ITFG1: variants seen among roughly 807,000 people sequenced by gnomAD.
ITFG1 encodes the protein integrin alpha FG-GAP repeat containing 1.
ITFG1 carries 34 observed loss-of-function variants against 81.8 expected under a neutral mutation model. That is an observed-to-expected ratio of 0.42 (90% CI 0.32 to 0.55). ITFG1 has a LOEUF of 0.55. ITFG1 is among the 20% of genes least tolerant of loss of function. The probability of loss-of-function intolerance (pLI) is 0.17; values close to 1 mark genes in which losing one functional copy is unlikely to be tolerated. For missense variants in ITFG1, 672 were observed against 755.4 expected (o/e 0.89, Z 1.29); for synonymous variants, 285 against 270.6 (o/e 1.05, Z -0.52).
chr16:47,407,446 G>T (rs940541310), intron 6 of ITFG1, among the ~76,000 whole-genome samples: 47 of 152,080 alleles, frequency 3.1e-4, no homozygotes, highest in African/African-American at 1.0e-3. Context: ...CTGCCTCCTG[G>T]GTTCAAGTGA....
chr16:47,309,677 A>G (rs1402816644), intron 10 of ITFG1, among the ~76,000 whole-genome samples: 4 of 152,222 alleles, frequency 2.6e-5, no homozygotes, highest in African/African-American at 9.6e-5. Flanking sequence ...AACTGCTTTT[A>G]TAATGGTATT....
chr16:47,323,772 C>A (rs1487072806), intron 8 of ITFG1, among the ~76,000 whole-genome samples: 1 of 152,022 alleles, frequency 6.6e-6, no homozygotes, highest in African/African-American at 2.4e-5. Flanking sequence ...GAGATTGGGT[C>A]TCAGTATACC....
chr16:47,290,910 T>G (rs543291401), intron 10 of ITFG1, among the ~76,000 whole-genome samples: 2 of 152,238 alleles, frequency 1.3e-5, no homozygotes, highest in Non-Finnish European at 2.9e-5. Context: ...TTTATTAATG[T>G]GGTTTCACAG....
intron 14 of ITFG1, among the ~76,000 whole-genome samples, chr16:47,189,937 C>T (rs1462562997): frequency 6.6e-6 from 1 of 152,102 alleles, no homozygotes; most frequent in Non-Finnish European, 1.5e-5. Context: ...GGTGTTATTG[C>T]TTGTGGAGTT....
intron 13 of ITFG1, among the ~76,000 whole-genome samples, chr16:47,232,881 T>G (rs776879626): frequency 2.6e-4 from 39 of 152,104 alleles, no homozygotes; most frequent in South Asian, 1.9e-3. Context: ...GCTCAAGAGA[T>G]CCTCCTGCCT....
chr16:47,306,260 A>C (rs1296926067), intron 10 of ITFG1, among the ~76,000 whole-genome samples: 1 of 152,194 alleles, frequency 6.6e-6, no homozygotes, highest in Non-Finnish European at 1.5e-5. Flanking sequence ...TTTAAATAAC[A>C]TAATTAACTG....
At chr16:47,423,255 T>TG (rs1968974689) in intron 6 of ITFG1, among the ~76,000 whole-genome samples, 1 of 150,832 alleles carries the variant, frequency 6.6e-6, no homozygotes, top group East Asian at 1.9e-4. Context: ...TCCCTGATTT[T>TG]TTTTTTTTTT....
At chr16:47,311,457 A>C in intron 9 of ITFG1, 45 bp from the exon 10 acceptor site, 1 of 1,430,796 alleles carries the variant, frequency 7.0e-7, no homozygotes, top group Non-Finnish European at 9.4e-7. Flanking sequence ...TTATTTTATA[A>C]AAAAATTTAT....
rs888855622 is a variant in ITFG1 at position 47,361,352 on chromosome 16, C to A, written c.802+4436G>T. On this transcript the variant is annotated intron_variant, in intron 8 of 17. Coordinates refer to ENST00000320640, the MANE Select transcript of ITFG1 (RefSeq NM_030790.5). The stretch of plus-strand genomic sequence containing the variant: ...TAGCTTTTATTGATTTCCACTACAC[C>A]TAGTATTACATACAAAATTGATACC... Among the ~76,000 whole-genome samples, 4 of 152,146 alleles carry A rather than the reference C, an allele frequency of 2.6e-5. No homozygotes were observed. In the East Asian group the frequency reaches 7.7e-4, roughly 29 times the overall value.
At chr16:47,299,112 G>A (rs1013192516) in intron 10 of ITFG1, among the ~76,000 whole-genome samples, 2 of 152,286 alleles carry the variant, frequency 1.3e-5, no homozygotes, top group East Asian at 3.9e-4. Context: ...GGCTTTGACA[G>A]GCAGGAATGA....
At chr16:47,388,974 T>C (rs754521274) in intron 6 of ITFG1, among the ~76,000 whole-genome samples, 2 of 152,266 alleles carry the variant, frequency 1.3e-5, no homozygotes, top group East Asian at 1.9e-4. Context: ...ATAAGGAATG[T>C]TGTAATGCTG....
At chr16:47,293,145 A>T (rs1448012842) in intron 10 of ITFG1, among the ~76,000 whole-genome samples, 2 of 147,892 alleles carry the variant, frequency 1.4e-5, no homozygotes, top group Non-Finnish European at 3.0e-5. Flanking sequence ...AATATATATC[A>T]TATACAAGCA....
chr16:47,402,929 T>C (rs907408196), intron 6 of ITFG1, among the ~76,000 whole-genome samples: 1 of 152,066 alleles, frequency 6.6e-6, no homozygotes, highest in Non-Finnish European at 1.5e-5. Context: ...CCACAGAAAT[T>C]CCAGTGTTAT....
At chr16:47,198,905 T>C (rs1965389535) in intron 14 of ITFG1, among the ~76,000 whole-genome samples, 1 of 152,252 alleles carries the variant, frequency 6.6e-6, no homozygotes, top group East Asian at 1.9e-4. Context: ...ACTAAAAAAA[T>C]TAAAAGTTAA....
At chr16:47,425,925 T>C (rs1236599350) in intron 6 of ITFG1, 1 of 152,146 alleles carries the variant, frequency 6.6e-6, no homozygotes, top group Admixed American at 6.5e-5. Flanking sequence ...TTTCTGGTTG[T>C]TTTGCATACG....
At chr16:47,431,968 C>G (rs935039166) in intron 5 of ITFG1, among the ~76,000 whole-genome samples, 6 of 152,192 alleles carry the variant, frequency 3.9e-5, no homozygotes, top group African/African-American at 7.2e-5. Context: ...AAGATCTTCT[C>G]TCTTCTCTGT....
intron 13 of ITFG1, among the ~76,000 whole-genome samples, chr16:47,224,873 C>T (rs1965739135): frequency 6.6e-6 from 1 of 152,142 alleles, no homozygotes; most frequent in African/African-American, 2.4e-5. Flanking sequence ...GTGGCAAGTG[C>T]CTGTGGTCCC....
chr16:47,404,538 C>T (rs1051035088), intron 6 of ITFG1, among the ~76,000 whole-genome samples: 1 of 152,176 alleles, frequency 6.6e-6, no homozygotes, highest in African/African-American at 2.4e-5. Context: ...TCAATTCTAG[C>T]ATGTCTCTGA....
chr16:47,330,224 GAAAACTGGC>G (rs1967618556), intron 8 of ITFG1, among the ~76,000 whole-genome samples: 1 of 152,040 alleles, frequency 6.6e-6, no homozygotes, highest in Non-Finnish European at 1.5e-5. Flanking sequence ...ATGGTGCTGG[GAAAACTGGC>G]TAACCATATG....
Sources: gnomAD v4.1 joint callset for allele counts (sites outside exome capture counted in the v4.1 genomes callset) on GRCh38, gnomAD v4.1.1 for gene constraint, MANE v1.5 for transcripts, NCBI Gene and HGNC (gene_info 2026-07-23, HGNC 2026-07-21) for gene names.